Variants in LRP1B observed in about 807,000 individuals in gnomAD.
LRP1B encodes LDL receptor related protein 1B, also known as low-density lipoprotein receptor-related protein 1B.
In LRP1B, 217 loss-of-function variants were observed where a neutral mutation model predicts 556.6. The ratio of observed to expected loss-of-function variants is 0.39; its 90% confidence interval spans 0.35 to 0.44. The LOEUF is 0.44. LRP1B is among the 20% of genes least tolerant of loss of function. The pLI, the probability that LRP1B is intolerant of heterozygous loss-of-function variation, is 1.00. For synonymous variants in LRP1B, 2,047 were observed against 1,865.8 expected, an observed-to-expected ratio of 1.10 and a Z score of -2.50; for missense variants, 5,053 against 5,620.8, an observed-to-expected ratio of 0.90 and a Z score of 3.23.
intron 11 of LRP1B, among the ~76,000 whole-genome samples, chr2:141,023,229 A>G (rs1282108422): frequency 6.6e-6 from 1 of 151,962 alleles, no homozygotes; most frequent in East Asian, 1.9e-4. Flanking sequence ...AATAACTTAT[A>G]TGAATGGAGT....
chr2:141,216,653 C>T (rs780658229), intron 6 of LRP1B, among the ~76,000 whole-genome samples: 28 of 152,204 alleles, frequency 1.8e-4, no homozygotes, highest in Non-Finnish European at 3.2e-4. Context: ...AGAGGCAGAG[C>T]TGTGCAAGGC....
rs1246523844 is a variant in LRP1B, at chr2:140,370,913, G to C, written c.10876-71C>G. On this transcript the variant is annotated intron_variant, in intron 70 of 90. Coordinates refer to ENST00000389484, the MANE Select transcript of LRP1B (RefSeq NM_018557.3). ...ATACAATCATGGGCAAAATAAACAT[G>C]CAGCTTGTAATACTAGAGCTTTATT... is the stretch of plus-strand genomic sequence containing the variant. 3.3e-6 allele frequency: 5 copies of C among 1,513,094 alleles called. No homozygotes were observed. The African/African-American group carries it at 6.9e-5, about 21-fold the overall frequency. The allele number at this position is 1,513,094 out of a possible 1,614,324, so 93.7% of individuals were successfully genotyped here.
At chr2:140,830,954 C>T (rs1357314921) in intron 31 of LRP1B, among the ~76,000 whole-genome samples, 1 of 151,864 alleles carries the variant, frequency 6.6e-6, no homozygotes, top group Non-Finnish European at 1.5e-5. Context: ...ATCCCATATG[C>T]AATTGCTACA....
rs794039 is a variant in LRP1B, at chr2:140,640,285, C to T, written c.6800-38646G>A. Among the ~76,000 whole-genome samples, 1,292 of 150,690 alleles carry T rather than the reference C, an allele frequency of 8.6e-3. 20 individuals are homozygous for T. Among genetic ancestry groups the T allele is most frequent in the African/African-American group, 0.03 (1,236 of 41,078 alleles). On this transcript the variant is annotated intron_variant, in intron 41 of 90. Coordinates refer to ENST00000389484, the MANE Select transcript of LRP1B (RefSeq NM_018557.3). ...GGATTACAGGCGTGAGCCATCGCGCCGGGCCTCAAATGCTACATTGTTTAA... is the reference window on the plus strand; with the variant it reads ...GGATTACAGGCGTGAGCCATCGCGCTGGGCCTCAAATGCTACATTGTTTAA...
At chr2:140,292,724 T>C (rs1683441181) in intron 84 of LRP1B, among the ~76,000 whole-genome samples, 1 of 152,154 alleles carries the variant, frequency 6.6e-6, no homozygotes, top group African/African-American at 2.4e-5. Context: ...GAATAGAAAA[T>C]GTTTCTGACC....
intron 7 of LRP1B, among the ~76,000 whole-genome samples, chr2:141,158,787 T>C (rs972868718): frequency 6.6e-6 from 1 of 152,140 alleles, no homozygotes; most frequent in Non-Finnish European, 1.5e-5. Flanking sequence ...ACAAGTAGCA[T>C]TGAATACAGA....
intron 3 of LRP1B, among the ~76,000 whole-genome samples, chr2:141,374,417 A>AT (rs1377833054): frequency 1.3e-5 from 2 of 152,154 alleles, no homozygotes; most frequent in Admixed American, 1.3e-4. Flanking sequence ...GAATGTCTAA[A>AT]TCTCTTGCTA....
At chr2:141,852,902 A>T (rs568646118) in intron 1 of LRP1B, among the ~76,000 whole-genome samples, 16 of 151,782 alleles carry the variant, frequency 1.1e-4, no homozygotes, top group Admixed American at 2.0e-4. Context: ...TAAAAAAAAA[A>T]GAAATGAAAA....
At chr2:141,145,065 ATTTCT>A (rs202010319) in intron 7 of LRP1B, among the ~76,000 whole-genome samples, 1 of 152,200 alleles carries the variant, frequency 6.6e-6, no homozygotes, top group Non-Finnish European at 1.5e-5. Context: ...TATACAAGTG[ATTTCT>A]TTAACAGTTA....
chr2:141,426,332 T>C lies in LRP1B; in HGVS notation c.343+54064A>G, dbSNP rs553550963. Among the ~76,000 whole-genome samples, 89 of 152,214 alleles carry C rather than the reference T, an allele frequency of 5.8e-4. 1 individual carries two copies. The highest frequency in any genetic ancestry group is 3.1e-3 in the South Asian group (15 of 4,820). On this transcript the variant is annotated intron_variant, in intron 3 of 90. Coordinates refer to ENST00000389484, the MANE Select transcript of LRP1B (RefSeq NM_018557.3). ...TGTTTTATTTACTGTAGCCTTATAG[T>C]ATAGTTTGAAGTCAGGTAGCGTGAT... is the stretch of plus-strand genomic sequence containing the variant.
chr2:141,917,871 A>G (rs896610610), intron 1 of LRP1B, among the ~76,000 whole-genome samples: 7 of 152,178 alleles, frequency 4.6e-5, no homozygotes, highest in Non-Finnish European at 8.8e-5. Flanking sequence ...ATGTGTCTTT[A>G]GTAGAATAAT....
At chr2:141,726,164 ATAT>A in intron 2 of LRP1B, among the ~76,000 whole-genome samples, 1 of 151,440 alleles carries the variant, frequency 6.6e-6, no homozygotes, top group African/African-American at 2.4e-5. Flanking sequence ...TGGCATGAAA[ATAT>A]ATTCATAATA....
Position 140,663,825 on chromosome 2 carries a change from C to T in LRP1B, c.6799+36425G>A, listed in dbSNP as rs1685176470. On this transcript the variant is annotated intron_variant, in intron 41 of 90. Transcript: ENST00000389484. The stretch of plus-strand genomic sequence containing the variant: ...AAATCTGGCTTTTATTGCGTTTCAA[C>T]ATGCTTTCCTCACTAAGTTTAATCA... Among the ~76,000 whole-genome samples, 2 of 152,216 alleles carry T rather than the reference C, an allele frequency of 1.3e-5. 1 individual carries two copies. Among genetic ancestry groups the T allele is most frequent in the South Asian group, 4.1e-4 (2 of 4,832 alleles).
At chr2:140,729,877 C>A (rs1213260067) in intron 35 of LRP1B, among the ~76,000 whole-genome samples, 1 of 152,132 alleles carries the variant, frequency 6.6e-6, no homozygotes, top group Non-Finnish European at 1.5e-5. Context: ...TCATGCATAA[C>A]TGCATTATTA....
chr2:141,074,589 C>CTCTA (rs10643830), intron 7 of LRP1B, among the ~76,000 whole-genome samples: 5,164 of 136,410 alleles, frequency 0.038, 126 homozygotes, highest in Non-Finnish European at 0.045. Context: ...CTCTCTCTCT[C>CTCTA]TATATATATA....
chr2:141,566,927 T>C (rs548003719), intron 2 of LRP1B, among the ~76,000 whole-genome samples: 1 of 152,278 alleles, frequency 6.6e-6, no homozygotes, highest in Non-Finnish European at 1.5e-5. Context: ...CAGAATTTGC[T>C]TAAAGAAATT....
intron 3 of LRP1B, among the ~76,000 whole-genome samples, chr2:141,323,787 A>G (rs1236899584): frequency 6.6e-6 from 1 of 151,932 alleles, no homozygotes; most frequent in African/African-American, 2.4e-5. Context: ...CTTCTTCCCA[A>G]CCTTTCCACA....
intron 35 of LRP1B, among the ~76,000 whole-genome samples, chr2:140,726,729 T>C (rs1559079805): frequency 6.6e-6 from 1 of 152,194 alleles, no homozygotes; most frequent in Non-Finnish European, 1.5e-5. Flanking sequence ...TTGCACTAGT[T>C]ATTATAATAA....
chr2:141,639,562 T>C (rs1689254890), intron 2 of LRP1B, among the ~76,000 whole-genome samples: 1 of 151,148 alleles, frequency 6.6e-6, no homozygotes, highest in African/African-American at 2.4e-5. Flanking sequence ...GAAGTTAATA[T>C]CAGAATGCTA....
Sources: gnomAD v4.1 joint callset for allele counts (sites outside exome capture counted in the v4.1 genomes callset) on GRCh38, gnomAD v4.1.1 for gene constraint, MANE v1.5 for transcripts, NCBI Gene and HGNC (gene_info 2026-07-23, HGNC 2026-07-21) for gene names.